STXBP6: variants seen among roughly 807,000 people sequenced by gnomAD.
STXBP6 encodes the protein syntaxin-binding protein 6.
In STXBP6, 21 loss-of-function variants were observed where a neutral mutation model predicts 26.9. That is an observed-to-expected ratio of 0.78 (90% CI 0.55 to 1.12). STXBP6 has a LOEUF of 1.12. STXBP6 is among the 50% of genes most tolerant of loss of function. STXBP6 has a pLI of 0.00. For missense variants in STXBP6, 232 were observed against 257.9 expected (o/e 0.90, Z 0.69); for synonymous variants, 97 against 92.6 (o/e 1.05, Z -0.27).
intron 1 of STXBP6, among the ~76,000 whole-genome samples, chr14:25,020,787 C>T (rs2075247828): frequency 6.6e-6 from 1 of 152,168 alleles, no homozygotes; most frequent in African/African-American, 2.4e-5. Context: ...TTTGATAACA[C>T]GCTTTCCATA....
intron 1 of STXBP6, among the ~76,000 whole-genome samples, chr14:25,002,298 C>T (rs1220590169): frequency 6.6e-6 from 1 of 150,524 alleles, no homozygotes; most frequent in African/African-American, 2.5e-5. Context: ...CTACTTCCAA[C>T]TTTAACAATT....
chr14:24,895,309 T>C (rs1428936174), intron 2 of STXBP6, among the ~76,000 whole-genome samples: 1 of 152,214 alleles, frequency 6.6e-6, no homozygotes, highest in Non-Finnish European at 1.5e-5. Flanking sequence ...GTTAACACTG[T>C]TTATCCCTGC....
chr14:25,036,418 TG>T (rs1292735782), intron 1 of STXBP6, among the ~76,000 whole-genome samples: 2 of 152,126 alleles, frequency 1.3e-5, no homozygotes, highest in Non-Finnish European at 2.9e-5. Context: ...AATGCCCCAC[TG>T]TCTATCTGAA....
In STXBP6 at chr14:24,974,862, G is replaced by A. The variant is rs2074002703; in HGVS notation, c.-32-12C>T. ...AGCACGCAGTGAATCTTTTAAAGAA[G>A]GAAAAGAAAGGAAAGTTGGAATTGA... On this transcript the variant is annotated splice_polypyrimidine_tract_variant and intron_variant, in intron 1 of 5. Transcript: ENST00000323944. The A allele has an allele frequency of 1.3e-6, 2 of 1,489,376 alleles. No individual in the cohort carries two copies. The highest frequency in any genetic ancestry group is 1.8e-6 in the Non-Finnish European group (2 of 1,108,312). The allele number at this position is 1,489,376 out of a possible 1,614,324, so 92.3% of individuals were successfully genotyped here.
intron 1 of STXBP6, among the ~76,000 whole-genome samples, chr14:25,007,064 T>C (rs550431111): frequency 6.6e-6 from 1 of 152,330 alleles, no homozygotes; most frequent in Admixed American, 6.5e-5. Context: ...TCATGGTCTA[T>C]CTCAAATTAA....
intron 2 of STXBP6, 119 bp from the exon 3 acceptor site, chr14:24,857,276 AG>A: frequency 7.5e-7 from 1 of 1,325,372 alleles, no homozygotes; most frequent in Non-Finnish European, 1.0e-6. Flanking sequence ...GAGAAGGCAG[AG>A]GGGGAAAGGA....
chr14:24,927,020 T>C (rs1039878026), intron 2 of STXBP6, among the ~76,000 whole-genome samples: 1 of 152,180 alleles, frequency 6.6e-6, no homozygotes. Flanking sequence ...TAAAACATTT[T>C]AGTGGACGCA....
chr14:24,921,985 C>T (rs1246890639), intron 2 of STXBP6, among the ~76,000 whole-genome samples: 4 of 151,952 alleles, frequency 2.6e-5, no homozygotes, highest in African/African-American at 4.8e-5. Context: ...CAATCTTCAT[C>T]CCCCTCCCCT....
intron 1 of STXBP6, among the ~76,000 whole-genome samples, chr14:24,994,047 C>T (rs1013392153): frequency 2.6e-5 from 4 of 152,146 alleles, no homozygotes; most frequent in Non-Finnish European, 5.9e-5. Flanking sequence ...CATTTTCAGC[C>T]ATCAAATATC....
intron 1 of STXBP6, among the ~76,000 whole-genome samples, chr14:24,983,355 C>T (rs547042943): frequency 6.6e-6 from 1 of 152,188 alleles, no homozygotes; most frequent in Non-Finnish European, 1.5e-5. Flanking sequence ...ACATCACTTA[C>T]AGCAGACAGC....
chr14:24,883,081 C>T (rs1244365398), intron 2 of STXBP6, among the ~76,000 whole-genome samples: 2 of 152,022 alleles, frequency 1.3e-5, no homozygotes, highest in Non-Finnish European at 2.9e-5. Flanking sequence ...AACTATAATG[C>T]TATAAAATAT....
intron 2 of STXBP6, among the ~76,000 whole-genome samples, chr14:24,922,085 C>T (rs913549333): frequency 1.3e-5 from 2 of 152,056 alleles, no homozygotes; most frequent in Non-Finnish European, 2.9e-5. Context: ...TACATTCTGA[C>T]TTACTCTGTC....
chr14:24,850,661 G>A lies in STXBP6; in HGVS notation c.451+5275C>T, dbSNP rs115266394. ...CCTTACTGTCATGGCAATGTTTCACGTCTATTTACATCTGATATGTCCAGA... is the reference window on the plus strand; with the variant it reads ...CCTTACTGTCATGGCAATGTTTCACATCTATTTACATCTGATATGTCCAGA... On this transcript the variant is annotated intron_variant, in intron 4 of 5. Coordinates refer to ENST00000323944, the MANE Select transcript of STXBP6 (RefSeq NM_001394410.1). 5.7e-3 allele frequency among the ~76,000 whole-genome samples: 874 copies of A among 152,144 alleles called. 11 individuals are homozygous for A. The highest frequency in any genetic ancestry group is 0.02 in the African/African-American group (835 of 41,500).
chr14:25,029,816 A>C (rs1410389199), intron 1 of STXBP6, among the ~76,000 whole-genome samples: 1 of 152,140 alleles, frequency 6.6e-6, no homozygotes, highest in African/African-American at 2.4e-5. Context: ...TAACACCTGG[A>C]CACTCATTTG....
chr14:25,011,321 G>T (rs1417946073), intron 1 of STXBP6, among the ~76,000 whole-genome samples: 1 of 152,180 alleles, frequency 6.6e-6, no homozygotes, highest in Non-Finnish European at 1.5e-5. Context: ...ACCTGAGGCT[G>T]TCAGGTACCG....
At chr14:24,867,981 G>A (rs1566427035) in intron 2 of STXBP6, among the ~76,000 whole-genome samples, 1 of 152,162 alleles carries the variant, frequency 6.6e-6, no homozygotes, top group Non-Finnish European at 1.5e-5. Flanking sequence ...CAGATTGCTT[G>A]AGCTCAGGAG....
chr14:24,940,077 G>A (rs763577548), intron 2 of STXBP6, among the ~76,000 whole-genome samples: 4 of 152,146 alleles, frequency 2.6e-5, no homozygotes, highest in Non-Finnish European at 4.4e-5. Flanking sequence ...TGATATATTC[G>A]TACTTTCATA....
rs148385171 is a variant in STXBP6 at position 24,930,090 on chromosome 14, C to T, written c.154+44575G>A. ...TTTCATTAAATTTTGTCAAGACTTG[C>T]TATGCTTCTGTTAGCTTGCAACGAA... On this transcript the variant is annotated intron_variant, in intron 2 of 5. Transcript: ENST00000323944. Among the ~76,000 whole-genome samples the T allele has an allele frequency of 2.5e-3, 386 of 152,290 alleles. 1 individual carries two copies. Among genetic ancestry groups the T allele is most frequent in the African/African-American group, 8.9e-3 (371 of 41,562 alleles).
At chr14:24,916,873 T>A (rs886397347) in intron 2 of STXBP6, among the ~76,000 whole-genome samples, 1 of 152,118 alleles carries the variant, frequency 6.6e-6, no homozygotes, top group Non-Finnish European at 1.5e-5. Context: ...TGAGAAGAAC[T>A]GATTTAGAAA....
Sources: gnomAD v4.1 joint callset for allele counts (sites outside exome capture counted in the v4.1 genomes callset) on GRCh38, gnomAD v4.1.1 for gene constraint, MANE v1.5 for transcripts, NCBI Gene and HGNC (gene_info 2026-07-23, HGNC 2026-07-21) for gene names.